The following TBC1D22A variants were observed in gnomAD, a reference collection of about 807,000 sequenced individuals.
The protein encoded by TBC1D22A is putative GTPase activator.
Under a neutral mutation model 60.2 loss-of-function variants are expected in TBC1D22A, and 38 were observed. The observed-to-expected ratio is 0.63, with a 90% CI of 0.49 to 0.83. The LOEUF is 0.83. TBC1D22A is among the 40% of genes least tolerant of loss of function. TBC1D22A has a pLI of 0.00. For synonymous variants in TBC1D22A, 302 were observed against 281.7 expected (o/e 1.07, Z -0.72); for missense variants, 628 against 701.0 (o/e 0.90, Z 1.18).
intron 8 of TBC1D22A, among the ~76,000 whole-genome samples, chr22:46,932,140 A>C (rs951883079): frequency 6.6e-6 from 1 of 152,242 alleles, no homozygotes; most frequent in East Asian, 1.9e-4. Context: ...GTCAGTGAAG[A>C]CGATGGTGAC....
intron 8 of TBC1D22A, among the ~76,000 whole-genome samples, chr22:46,927,656 G>A (rs913935915): frequency 9.2e-5 from 14 of 152,124 alleles, no homozygotes; most frequent in African/African-American, 3.1e-4. Flanking sequence ...ACCTCTATTT[G>A]TAGATGACAG....
chr22:47,012,698 C>T (rs2061788449), intron 10 of TBC1D22A, among the ~76,000 whole-genome samples: 1 of 152,232 alleles, frequency 6.6e-6, no homozygotes, highest in African/African-American at 2.4e-5. Flanking sequence ...CAGCTTTCAT[C>T]CCACTTTTGG....
intron 12 of TBC1D22A, among the ~76,000 whole-genome samples, chr22:47,154,048 T>TGACTGC (rs1806921070): frequency 6.6e-6 from 1 of 152,026 alleles, no homozygotes; most frequent in South Asian, 2.1e-4. Flanking sequence ...TGAGTAGCTG[T>TGACTGC]GACTGCGAGT....
chr22:46,934,639 G>A (rs1750618677), intron 8 of TBC1D22A, among the ~76,000 whole-genome samples: 2 of 152,226 alleles, frequency 1.3e-5, no homozygotes, highest in South Asian at 4.1e-4. Context: ...AGTAGTGATG[G>A]AGTCCTGAGG....
intron 12 of TBC1D22A, among the ~76,000 whole-genome samples, chr22:47,117,916 A>T (rs1451881806): frequency 2.0e-5 from 3 of 152,046 alleles, no homozygotes; most frequent in Admixed American, 2.0e-4. Flanking sequence ...TGAGGTTAGG[A>T]GTTCGAGACC....
intron 10 of TBC1D22A, among the ~76,000 whole-genome samples, chr22:47,020,067 C>T (rs567418046): frequency 6.6e-6 from 1 of 152,280 alleles, no homozygotes; most frequent in East Asian, 1.9e-4. Flanking sequence ...ATCAGTCCAT[C>T]CATCGATCCA....
chr22:46,840,594 A>T (rs770552332), intron 4 of TBC1D22A, among the ~76,000 whole-genome samples: 5 of 152,080 alleles, frequency 3.3e-5, no homozygotes, highest in African/African-American at 1.2e-4. Context: ...TTAGCTGGGC[A>T]TGGTAGTGTG....
intron 1 of TBC1D22A, among the ~76,000 whole-genome samples, chr22:46,782,168 C>T (rs1241356951): frequency 6.6e-6 from 1 of 152,214 alleles, no homozygotes; most frequent in African/African-American, 2.4e-5. Flanking sequence ...GATTCTTCTG[C>T]CTCAGCCTCC....
chr22:47,006,820 C>T (rs916733532), intron 10 of TBC1D22A, among the ~76,000 whole-genome samples: 1 of 152,202 alleles, frequency 6.6e-6, no homozygotes, highest in Non-Finnish European at 1.5e-5. Context: ...GCCCTTCTGC[C>T]GCCTTCCCTG....
chr22:46,932,728 T>TTTTTC (rs2071425032), intron 8 of TBC1D22A, among the ~76,000 whole-genome samples: 1 of 141,432 alleles, frequency 7.1e-6, no homozygotes, highest in African/African-American at 2.7e-5. Flanking sequence ...TGCTTTTTTT[T>TTTTTC]TTTTTTTTTT....
At chr22:46,853,854 C>T (rs192573842) in intron 4 of TBC1D22A, among the ~76,000 whole-genome samples, 37 of 152,264 alleles carry the variant, frequency 2.4e-4, no homozygotes, top group Non-Finnish European at 4.1e-4. Context: ...CAGAGCTGGG[C>T]GCAGGCAGTT....
Position 46,812,791 on chromosome 22 carries a change from A to T in TBC1D22A, c.637+15171A>T, listed in dbSNP as rs149696911. Among the ~76,000 whole-genome samples, 3 of 152,360 alleles carry T rather than the reference A, an allele frequency of 2.0e-5. No homozygotes were observed. The East Asian group carries it at 5.8e-4, about 29-fold the overall frequency. ...AAATGTAGGGACTGCTATTCAGTTG[A>T]CAAGAAAACGTTTCCTAATCCTCGT... On this transcript the variant is annotated intron_variant, in intron 4 of 12. Coordinates refer to ENST00000337137, the MANE Select transcript of TBC1D22A (RefSeq NM_014346.5).
chr22:47,105,791 C>G (rs2065613293), intron 11 of TBC1D22A, among the ~76,000 whole-genome samples: 1 of 147,430 alleles, frequency 6.8e-6, no homozygotes. Flanking sequence ...TCAAAGAATT[C>G]CAATAGATAT....
chr22:47,031,452 G>A (rs774697764), intron 10 of TBC1D22A, among the ~76,000 whole-genome samples: 3 of 152,242 alleles, frequency 2.0e-5, no homozygotes, highest in South Asian at 2.1e-4. Flanking sequence ...GCCCTGGAAC[G>A]GCCTTGCCTG....
intron 4 of TBC1D22A, among the ~76,000 whole-genome samples, chr22:46,832,725 C>G (rs2086364356): frequency 6.6e-6 from 1 of 152,172 alleles, no homozygotes; most frequent in Non-Finnish European, 1.5e-5. Context: ...TATTCTTATT[C>G]TGTGGAAATA....
chr22:46,833,847 T>TA (rs1322946488), intron 4 of TBC1D22A, among the ~76,000 whole-genome samples: 1 of 152,202 alleles, frequency 6.6e-6, no homozygotes, highest in African/African-American at 2.4e-5. Context: ...TGAGTGCTGA[T>TA]AAACAAAGGC....
intron 9 of TBC1D22A, among the ~76,000 whole-genome samples, chr22:46,977,388 G>A (rs867321045): frequency 2.0e-5 from 3 of 152,058 alleles, no homozygotes; most frequent in African/African-American, 4.8e-5. Context: ...TCAGAGAGGC[G>A]GAAGACTTTG....
intron 5 of TBC1D22A, among the ~76,000 whole-genome samples, chr22:46,885,387 T>A (rs1461372615): frequency 2.0e-5 from 3 of 152,176 alleles, no homozygotes; most frequent in African/African-American, 7.2e-5. Flanking sequence ...TGTCTCCTCG[T>A]CTGCAGATAG....
chr22:46,813,831 C>A (rs1366191873), intron 4 of TBC1D22A, among the ~76,000 whole-genome samples: 1 of 152,214 alleles, frequency 6.6e-6, no homozygotes, highest in African/African-American at 2.4e-5. Context: ...CAGCCCAGGA[C>A]TGGGGCAGGG....
Sources: allele counts gnomAD v4.1 joint callset (sites outside exome capture counted in the v4.1 genomes callset), GRCh38; gene constraint gnomAD v4.1.1; transcripts MANE v1.5; gene names NCBI Gene and HGNC (gene_info 2026-07-23, HGNC 2026-07-21).